Variants in NDUFV2 observed in about 807,000 individuals in gnomAD.
NDUFV2 encodes NADH dehydrogenase [ubiquinone] flavoprotein 2, mitochondrial.
NDUFV2 carries 18 observed loss-of-function variants against 31.6 expected under a neutral mutation model. The ratio of observed to expected loss-of-function variants is 0.57; its 90% CI spans 0.39 to 0.84. The LOEUF is 0.84. NDUFV2 is among the 40% of genes least tolerant of loss of function. NDUFV2 has a pLI of 0.00. For missense variants in NDUFV2, 314 were observed against 303.6 expected (o/e 1.03, Z -0.26); for synonymous variants, 83 against 99.8 (o/e 0.83, Z 1.01).
intron 1 of NDUFV2, among the ~76,000 whole-genome samples, chr18:9,107,600 G>T (rs2077848197): frequency 6.6e-6 from 1 of 152,196 alleles, no homozygotes; most frequent in Admixed American, 6.5e-5. Context: ...AAATGCCCAA[G>T]ATCACACAGT....
chr18:9,121,885 A>T (rs4148967), intron 4 of NDUFV2, among the ~76,000 whole-genome samples: 85,366 of 152,074 alleles, frequency 0.56, 24,927 homozygotes, highest in South Asian at 0.75. Flanking sequence ...CTTTCAAAAG[A>T]GTATTGTGAT....
chr18:9,129,295 TTCATATTAATC>T (rs1318012523), intron 7 of NDUFV2, among the ~76,000 whole-genome samples: 5 of 152,154 alleles, frequency 3.3e-5, no homozygotes, highest in Admixed American at 2.6e-4. Context: ...GGATCTATGG[TTCATATTAATC>T]TAGTATTACT....
At chr18:9,133,739 A>G (rs1444264904) in intron 7 of NDUFV2, among the ~76,000 whole-genome samples, 2 of 152,188 alleles carry the variant, frequency 1.3e-5, no homozygotes, top group Non-Finnish European at 2.9e-5. Context: ...AAAAAGAAAT[A>G]CAGTGCTCTA....
rs764124124 is a variant in NDUFV2, at chr18:9,126,818, A to AT, written c.580-5dup. The AT allele has an allele frequency of 1.1e-5, 18 of 1,602,402 alleles. No individual in the cohort carries two copies. Among genetic ancestry groups the AT allele is most frequent in the African/African-American group, 1.1e-4 (8 of 74,680 alleles). ...AGTAATTTAAATATGACTATTGTTA[A>AT]TTTTTTTTCCAGGAGGATTTGACAG... On this transcript the variant is annotated splice_polypyrimidine_tract_variant and intron_variant, in intron 6 of 7. Transcript: ENST00000318388.
At chr18:9,112,932 A>G (rs2077879039) in intron 1 of NDUFV2, among the ~76,000 whole-genome samples, 1 of 152,230 alleles carries the variant, frequency 6.6e-6, no homozygotes, top group African/African-American at 2.4e-5. Flanking sequence ...TATGTTGCAT[A>G]TATTATATAT....
intron 2 of NDUFV2, 94 bp downstream of exon 2, chr18:9,117,997 T>C (rs1381820079): frequency 1.2e-6 from 1 of 832,764 alleles, no homozygotes; most frequent in East Asian, 2.4e-5. Flanking sequence ...TACCATTGTC[T>C]TTGATATATG....
intron 6 of NDUFV2, among the ~76,000 whole-genome samples, chr18:9,126,327 A>G (rs1350044896): frequency 6.6e-6 from 1 of 152,206 alleles, no homozygotes; most frequent in Non-Finnish European, 1.5e-5. Flanking sequence ...TCTACTTTAT[A>G]TATTTTCTCA....
chr18:9,123,065 A>G (rs2077953441), intron 5 of NDUFV2, among the ~76,000 whole-genome samples: 1 of 152,246 alleles, frequency 6.6e-6, no homozygotes, highest in Admixed American at 6.5e-5. Flanking sequence ...CATGGAACAA[A>G]TAAGATACAA....
intron 6 of NDUFV2, chr18:9,126,533 G>T (rs1356356798): frequency 3.1e-6 from 1 of 327,258 alleles, no homozygotes; most frequent in African/African-American, 2.1e-5. Context: ...TTAGCAGTGT[G>T]TACTATATAT....
chr18:9,129,908 A>C (rs1012051925), intron 7 of NDUFV2, among the ~76,000 whole-genome samples: 3 of 152,238 alleles, frequency 2.0e-5, no homozygotes, highest in Admixed American at 6.5e-5. Flanking sequence ...GGAGATTAGA[A>C]TTTAGTAGAT....
chr18:9,108,906 GTC>G (rs1489826172), intron 1 of NDUFV2, among the ~76,000 whole-genome samples: 1 of 152,072 alleles, frequency 6.6e-6, no homozygotes, highest in Non-Finnish European at 1.5e-5. Context: ...GGCTAGGCTG[GTC>G]TCAAACTCCT....
At chr18:9,108,266 C>T (rs188895174) in intron 1 of NDUFV2, among the ~76,000 whole-genome samples, 9 of 152,244 alleles carry the variant, frequency 5.9e-5, no homozygotes, top group Middle Eastern at 3.4e-3. Context: ...TACATTTTAA[C>T]CTGAATTAAC....
chr18:9,106,334 T>A lies in NDUFV2; in HGVS notation c.54+3537T>A, dbSNP rs184395999. On this transcript the variant is annotated intron_variant, in intron 1 of 7. Coordinates refer to ENST00000318388, the MANE Select transcript of NDUFV2 (RefSeq NM_021074.5). ...GGTTTTTTATGAATGTAGACTCCCC[T>A]TCTGTGTCTGCCTGTTTGGTTGTTC... Among the ~76,000 whole-genome samples the A allele has an allele frequency of 3.0e-4, 46 of 152,336 alleles. 1 individual carries two copies. Among genetic ancestry groups the A allele is most frequent in the Admixed American group, 2.1e-3 (32 of 15,300 alleles).
At chr18:9,126,661 G>C (rs902336954) in intron 6 of NDUFV2, 170 bp from the exon 7 acceptor site, 1 of 604,916 alleles carries the variant, frequency 1.7e-6, no homozygotes, top group South Asian at 1.9e-5. Context: ...TGTGCCATGC[G>C]TGGTGGTTCA....
chr18:9,119,605 T>G lies in NDUFV2; in HGVS notation c.300+15T>G. The G allele has an allele frequency of 6.3e-7, 1 of 1,584,660 alleles. No homozygotes were observed. The highest frequency in any genetic ancestry group is 8.7e-7 in the Non-Finnish European group (1 of 1,153,288). ...CTATGAACAAGGTACTGGATTCATT[T>G]TTGCCTTAGTTCTAAAAGAGAAGAG... On this transcript the variant is annotated intron_variant, in intron 4 of 7. Transcript: ENST00000318388.
chr18:9,128,437 CT>C (rs1313613718), intron 7 of NDUFV2, among the ~76,000 whole-genome samples: 2 of 152,204 alleles, frequency 1.3e-5, no homozygotes, highest in African/African-American at 4.8e-5. Context: ...GAAACGTATA[CT>C]GTTCTTAACA....
At chr18:9,127,244 A>G (rs557805642) in intron 7 of NDUFV2, among the ~76,000 whole-genome samples, 1 of 152,316 alleles carries the variant, frequency 6.6e-6, no homozygotes, top group South Asian at 2.1e-4. Flanking sequence ...TGAATCAACA[A>G]AAGATAATTT....
intron 4 of NDUFV2, chr18:9,121,592 T>TGA (rs2077936228): frequency 1.3e-5 from 2 of 152,364 alleles, no homozygotes; most frequent in African/African-American, 4.8e-5. Context: ...GCTCTTCTTT[T>TGA]ATATTAGAAT....
chr18:9,102,787 C>G lies in NDUFV2; in HGVS notation c.44C>G (p.Thr15Ser). The change falls in exon 1 of 8, where the codon ACC (threonine) becomes AGC (serine). Residue 15 changes from threonine to serine, a missense_variant. Coordinates refer to ENST00000318388, the MANE Select transcript of NDUFV2 (RefSeq NM_021074.5). ...CTCCGGGCCCGGGCGGCTGGCCTCA[C>G]CGCCCACTGGGTAAGGAGGCTCAAG... ...AALRARAAGL[T>S]AHWGRHVRNL... is the part of the protein sequence containing the mutation. The G allele has an allele frequency of 6.3e-7, 1 of 1,575,230 alleles. No homozygotes were observed. The highest frequency in any genetic ancestry group is 1.2e-5 in the South Asian group (1 of 86,008).
Sources: allele counts gnomAD v4.1 joint callset (sites outside exome capture counted in the v4.1 genomes callset), GRCh38; gene constraint gnomAD v4.1.1; transcripts MANE v1.5; gene names NCBI Gene and HGNC (gene_info 2026-07-23, HGNC 2026-07-21).